Variants in SLC35F4 observed in about 807,000 individuals in gnomAD.
SLC35F4 encodes the protein solute carrier family 35 member F4, also known as chromosome 14 open reading frame 36.
Under a neutral mutation model 44.2 loss-of-function variants are expected in SLC35F4, and 24 were observed. The ratio of observed to expected loss-of-function variants is 0.54; its 90% CI spans 0.39 to 0.76. The LOEUF is 0.76. Ranked by LOEUF, SLC35F4 falls within the 30% of genes least tolerant of loss-of-function variation. The pLI, the probability that SLC35F4 is intolerant of heterozygous loss-of-function variation, is 0.00. For missense variants in SLC35F4, 562 were observed against 586.1 expected, an observed-to-expected ratio of 0.96 and a Z score of 0.42; for synonymous variants, 238 against 223.6, an observed-to-expected ratio of 1.06 and a Z score of -0.57.
intron 1 of SLC35F4, among the ~76,000 whole-genome samples, chr14:57,926,104 A>G (rs1319600787): frequency 1.3e-5 from 2 of 152,192 alleles, no homozygotes; most frequent in Non-Finnish European, 2.9e-5. Flanking sequence ...AGAATGGTTG[A>G]CAGTATTAAG....
chr14:57,575,886 A>G (rs141375165), intron 4 of SLC35F4, among the ~76,000 whole-genome samples: 2,284 of 152,300 alleles, frequency 0.015, 21 homozygotes, highest in Middle Eastern at 0.044. Flanking sequence ...GCTACCTGTG[A>G]CCCTGCATGG....
chr14:57,844,275 G>A (rs1382589816), intron 1 of SLC35F4, among the ~76,000 whole-genome samples: 1 of 152,140 alleles, frequency 6.6e-6, no homozygotes, highest in Non-Finnish European at 1.5e-5. Context: ...CTGGAATGAA[G>A]CATCAGGGCA....
At chr14:57,955,000 T>C (rs1467682417) in intron 1 of SLC35F4, among the ~76,000 whole-genome samples, 1 of 145,936 alleles carries the variant, frequency 6.9e-6, no homozygotes, top group African/African-American at 2.5e-5. Context: ...AAAAGAAAAT[T>C]TCAGGCCAAT....
At chr14:57,640,137 CT>C (rs2073164392) in intron 1 of SLC35F4, among the ~76,000 whole-genome samples, 1 of 151,934 alleles carries the variant, frequency 6.6e-6, no homozygotes, top group Admixed American at 6.6e-5. Flanking sequence ...GTTAAAGTTT[CT>C]CTCCAATGGT....
intron 1 of SLC35F4, among the ~76,000 whole-genome samples, chr14:57,668,667 T>C (rs1410173563): frequency 2.0e-5 from 3 of 152,106 alleles, no homozygotes; most frequent in African/African-American, 7.3e-5. Flanking sequence ...TTCTGAGGGC[T>C]CTGTTCTGTT....
chr14:57,572,193 A>C (rs908781853), intron 4 of SLC35F4, among the ~76,000 whole-genome samples, 174 bp from the exon 5 acceptor site: 1 of 152,230 alleles, frequency 6.6e-6, no homozygotes, highest in Non-Finnish European at 1.5e-5. Context: ...TGTTCATGAG[A>C]TATCCAGGCA....
chr14:57,645,674 T>C (rs2073473802), intron 1 of SLC35F4, among the ~76,000 whole-genome samples: 1 of 151,218 alleles, frequency 6.6e-6, no homozygotes, highest in South Asian at 2.1e-4. Flanking sequence ...ATAGGAGTGG[T>C]GAGAGAGGGC....
intron 3 of SLC35F4, among the ~76,000 whole-genome samples, chr14:57,582,280 C>G (rs1489310710): frequency 6.6e-6 from 1 of 152,122 alleles, no homozygotes; most frequent in African/African-American, 2.4e-5. Context: ...ACTGCAACCT[C>G]CGCCTCCCAG....
At chr14:57,743,391 A>C (rs1274660139) in intron 1 of SLC35F4, among the ~76,000 whole-genome samples, 3 of 152,200 alleles carry the variant, frequency 2.0e-5, no homozygotes, top group African/African-American at 7.2e-5. Context: ...GATAAAGGGG[A>C]TATCACCACC....
intron 4 of SLC35F4, among the ~76,000 whole-genome samples, chr14:57,572,224 C>T (rs2068548447): frequency 6.6e-6 from 1 of 152,198 alleles, no homozygotes; most frequent in African/African-American, 2.4e-5. Context: ...AAGCTGTTCA[C>T]ATTCTAATTA....
At chr14:57,970,976 C>T (rs1464429843) in intron 1 of SLC35F4, among the ~76,000 whole-genome samples, 1 of 152,204 alleles carries the variant, frequency 6.6e-6, no homozygotes, top group African/African-American at 2.4e-5. Context: ...CCAATTCCAT[C>T]CCCTCAGAGA....
intron 1 of SLC35F4, among the ~76,000 whole-genome samples, chr14:57,736,461 A>G (rs1341291683): frequency 3.3e-5 from 5 of 152,200 alleles, no homozygotes; most frequent in Non-Finnish European, 7.3e-5. Context: ...CCACCTGTGG[A>G]AAACTTAACT....
intron 1 of SLC35F4, among the ~76,000 whole-genome samples, chr14:57,730,559 A>G (rs2076319264): frequency 6.6e-6 from 1 of 152,224 alleles, no homozygotes; most frequent in Non-Finnish European, 1.5e-5. Flanking sequence ...AAAGATTGTA[A>G]TTGAGGTCAC....
At chr14:57,819,553 C>T (rs1172985845) in intron 1 of SLC35F4, among the ~76,000 whole-genome samples, 1 of 151,866 alleles carries the variant, frequency 6.6e-6, no homozygotes, top group African/African-American at 2.4e-5. Flanking sequence ...CGCCTGTAAT[C>T]CCAGCACTTT....
chr14:57,591,264 T>C (rs1322646639), intron 2 of SLC35F4, among the ~76,000 whole-genome samples: 1 of 151,642 alleles, frequency 6.6e-6, no homozygotes, highest in Non-Finnish European at 1.5e-5. Context: ...CTCAGACAGA[T>C]ACAATGCCAG....
Position 57,589,336 on chromosome 14 carries a change from A to C in SLC35F4, c.467T>G (p.Phe156Cys). 6.2e-7 allele frequency: 1 copy of C among 1,613,998 alleles called. No homozygotes were observed. Among genetic ancestry groups the C allele is most frequent in the Non-Finnish European group, 8.5e-7 (1 of 1,179,888 alleles). Reference protein sequence around the residue: ...TQIVKITYKNFYCPFFMTWFS... With the variant: ...TQIVKITYKNCYCPFFMTWFS... ...CCAAGTCATGAAAAATGGGCAATAG[A>C]AGTTCTTATAAGTAATTTTTACAAT... The change falls in exon 3 of 8, where the codon TTC (phenylalanine) becomes TGC (cysteine). Residue 156 changes from phenylalanine (F) to cysteine (C), a missense_variant. Phe to Cys is a radical substitution (Grantham distance 205). Transcript: ENST00000556826.
At chr14:57,906,765 G>A (rs1595281084) in intron 1 of SLC35F4, among the ~76,000 whole-genome samples, 1 of 152,162 alleles carries the variant, frequency 6.6e-6, no homozygotes, top group East Asian at 1.9e-4. Context: ...CCTAAGCTGT[G>A]TGTCATGATA....
intron 1 of SLC35F4, among the ~76,000 whole-genome samples, chr14:57,929,123 G>C (rs1889641338): frequency 6.6e-6 from 1 of 152,162 alleles, no homozygotes; most frequent in Non-Finnish European, 1.5e-5. Context: ...TGGTGGGCCT[G>C]GACTGAAAGA....
At chr14:57,681,131 G>C (rs530562617) in intron 1 of SLC35F4, among the ~76,000 whole-genome samples, 1 of 152,140 alleles carries the variant, frequency 6.6e-6, no homozygotes, top group Admixed American at 6.5e-5. Context: ...ATTCTATAAG[G>C]TTACAGTAAC....
Sources: allele counts gnomAD v4.1 joint callset (sites outside exome capture counted in the v4.1 genomes callset), GRCh38; gene constraint gnomAD v4.1.1; transcripts MANE v1.5; gene names NCBI Gene and HGNC (gene_info 2026-07-23, HGNC 2026-07-21).